PTPRN2: variants seen among roughly 807,000 people sequenced by gnomAD.
PTPRN2 encodes protein tyrosine phosphatase receptor type N2.
In PTPRN2, 74 loss-of-function variants were observed where a neutral mutation model predicts 118.8. The ratio of observed to expected loss-of-function variants is 0.62; its 90% CI spans 0.52 to 0.76. The LOEUF is 0.76. Among genes scored for constraint, PTPRN2 ranks in the 30% least tolerant of loss-of-function variants. The pLI, the probability that PTPRN2 is intolerant of heterozygous loss-of-function variation, is 0.00. For synonymous variants in PTPRN2, 641 were observed against 608.0 expected (o/e 1.05, Z -0.80); for missense variants, 1,481 against 1,394.4 (o/e 1.06, Z -0.99).
intron 11 of PTPRN2, among the ~76,000 whole-genome samples, chr7:158,053,131 A>C (rs762404119): frequency 2.6e-5 from 4 of 152,202 alleles, no homozygotes; most frequent in Non-Finnish European, 5.9e-5. Flanking sequence ...TGTCAATAAA[A>C]GTGATTTTCA....
intron 11 of PTPRN2, among the ~76,000 whole-genome samples, chr7:157,992,703 G>C (rs1446677886): frequency 8.4e-6 from 1 of 119,696 alleles, no homozygotes; most frequent in Non-Finnish European, 2.0e-5. Context: ...GGCAGATGTG[G>C]GGGGTCACAC....
intron 15 of PTPRN2, among the ~76,000 whole-genome samples, chr7:157,608,348 A>G (rs1244745110): frequency 6.6e-6 from 1 of 152,158 alleles, no homozygotes. Context: ...GATTACAGGC[A>G]TGAGCCACTG....
rs548132010 is a variant in PTPRN2 at position 157,633,680 on chromosome 7, G to A, written c.2197-12171C>T. Among the ~76,000 whole-genome samples the A allele has an allele frequency of 6.6e-5, 10 of 152,238 alleles. No homozygotes were observed. The East Asian group carries it at 1.7e-3, about 27-fold the overall frequency. ...AGGACCTGGGCAGGGCCTGAGTGGG[G>A]GTGGGGTCCTACAGGGAAGGGCAGT... On this transcript the variant is annotated intron_variant, in intron 14 of 22. Transcript: ENST00000389418.
At chr7:158,296,869 G>C (rs1041214147) in intron 3 of PTPRN2, among the ~76,000 whole-genome samples, 3 of 152,242 alleles carry the variant, frequency 2.0e-5, no homozygotes, top group Admixed American at 2.0e-4. Flanking sequence ...AGAGGCACAT[G>C]GCCACCTGGC....
chr7:157,562,820 G>C (rs1268757423), intron 21 of PTPRN2, among the ~76,000 whole-genome samples: 1 of 140,584 alleles, frequency 7.1e-6, no homozygotes, highest in African/African-American at 2.7e-5. Flanking sequence ...TCAGGACCAC[G>C]TGCTCCACGT....
chr7:157,781,625 C>A (rs1365285461), intron 12 of PTPRN2, among the ~76,000 whole-genome samples: 3 of 152,228 alleles, frequency 2.0e-5, no homozygotes, highest in African/African-American at 7.2e-5. Flanking sequence ...GCTGGGAGAG[C>A]TCCTGGATGG....
chr7:158,202,779 C>T (rs952796896), intron 4 of PTPRN2, among the ~76,000 whole-genome samples: 6 of 152,106 alleles, frequency 3.9e-5, no homozygotes, highest in African/African-American at 1.4e-4. Context: ...ATAGCTAGTG[C>T]CATCTACGTT....
chr7:157,998,068 G>T (rs1269543821), intron 11 of PTPRN2, among the ~76,000 whole-genome samples: 1 of 89,566 alleles, frequency 1.1e-5, no homozygotes, highest in Admixed American at 1.0e-4. Flanking sequence ...AGTGCAGGGT[G>T]GGGGGAGAGG....
intron 1 of PTPRN2, among the ~76,000 whole-genome samples, chr7:158,547,831 A>G (rs537304775): frequency 1.3e-5 from 2 of 152,354 alleles, no homozygotes; most frequent in African/African-American, 4.8e-5. Flanking sequence ...CTCTGTCCCA[A>G]TATCAAGGCA....
chr7:158,445,857 C>G (rs1459752899), intron 2 of PTPRN2, among the ~76,000 whole-genome samples: 1 of 152,254 alleles, frequency 6.6e-6, no homozygotes, highest in East Asian at 1.9e-4. Flanking sequence ...CTGGCAAGAC[C>G]ATGTCAGTGC....
intron 12 of PTPRN2, among the ~76,000 whole-genome samples, chr7:157,683,826 GC>G (rs1393888456): frequency 6.6e-6 from 1 of 152,130 alleles, no homozygotes; most frequent in African/African-American, 2.4e-5. Flanking sequence ...TGGGAAGGCC[GC>G]CCCGCAGACC....
intron 11 of PTPRN2, among the ~76,000 whole-genome samples, chr7:157,970,789 G>C (rs957927671): frequency 2.6e-5 from 4 of 152,040 alleles, no homozygotes; most frequent in Admixed American, 6.5e-5. Flanking sequence ...GCCCTCTCTG[G>C]GGCTCATTCT....
intron 21 of PTPRN2, among the ~76,000 whole-genome samples, chr7:157,549,540 G>A (rs1798492648): frequency 6.6e-6 from 1 of 152,092 alleles, no homozygotes; most frequent in South Asian, 2.1e-4. Flanking sequence ...GGGTAAAGGT[G>A]CCCGTAGCTA....
intron 6 of PTPRN2, among the ~76,000 whole-genome samples, chr7:158,165,457 C>T (rs1822877159): frequency 6.6e-6 from 1 of 152,246 alleles, no homozygotes; most frequent in Non-Finnish European, 1.5e-5. Flanking sequence ...AAGGAGAAAG[C>T]ATCGGTAATG....
rs1286122656 is a variant in PTPRN2, at chr7:157,929,401, G to A, written c.1724-30664C>T. ...CTGCAGCACCGGGAGACCCTGGCGCGACTCCTGAGGGCTTCAGTCCTCGGT... is the reference window on the plus strand; with the variant it reads ...CTGCAGCACCGGGAGACCCTGGCGCAACTCCTGAGGGCTTCAGTCCTCGGT... On this transcript the variant is annotated intron_variant, in intron 11 of 22. Transcript: ENST00000389418. This position sits in a 1 kb window ranked among gnomAD's most constrained non-coding sequence, Gnocchi z 4.4. 6.6e-6 allele frequency among the ~76,000 whole-genome samples: 1 copy of A among 152,058 alleles called. No individual in the cohort carries two copies. The highest frequency in any genetic ancestry group is 1.5e-5 in the Non-Finnish European group (1 of 67,994).
chr7:157,942,191 A>T (rs1800184256), intron 11 of PTPRN2, among the ~76,000 whole-genome samples: 2 of 36,816 alleles, frequency 5.4e-5, no homozygotes, highest in East Asian at 1.6e-3. Flanking sequence ...CCCACCCTCC[A>T]CACACAGGGG....
At chr7:158,557,280 G>A (rs1268229775) in intron 1 of PTPRN2, among the ~76,000 whole-genome samples, 8 of 137,912 alleles carry the variant, frequency 5.8e-5, no homozygotes, top group Non-Finnish European at 1.1e-4. Flanking sequence ...CAGGTCAGGC[G>A]GCTCCTGTGC....
intron 12 of PTPRN2, chr7:157,855,905 G>C (rs1015203468): frequency 6.6e-6 from 1 of 152,232 alleles, no homozygotes; most frequent in East Asian, 1.9e-4. Flanking sequence ...TTCTGATACT[G>C]AGTTGATATT....
At chr7:157,828,325 C>T (rs775403088) in intron 12 of PTPRN2, among the ~76,000 whole-genome samples, 2 of 152,172 alleles carry the variant, frequency 1.3e-5, no homozygotes, top group African/African-American at 2.4e-5. Context: ...TGTGTCTTCA[C>T]GAGCAACCAC....
Sources: allele counts gnomAD v4.1 joint callset (sites outside exome capture counted in the v4.1 genomes callset), GRCh38; gene constraint gnomAD v4.1.1; non-coding constraint Gnocchi (gnomAD v3.1); transcripts MANE v1.5; gene names NCBI Gene and HGNC (gene_info 2026-07-23, HGNC 2026-07-21).